RC3H1: variants seen among roughly 807,000 people sequenced by gnomAD.
RC3H1 encodes the protein roquin-1.
In RC3H1, 50 loss-of-function variants were observed where a neutral mutation model predicts 138.2. That is an observed-to-expected ratio of 0.36 (90% CI 0.29 to 0.46). RC3H1 has a LOEUF of 0.46. RC3H1 is among the 20% of genes least tolerant of loss of function. RC3H1 has a pLI of 1.00. For missense variants in RC3H1, 1,031 were observed against 1,388.1 expected (o/e 0.74, Z 4.09); for synonymous variants, 462 against 489.1 (o/e 0.94, Z 0.73).
chr1:173,951,338 A>G (rs893945496), intron 14 of RC3H1, among the ~76,000 whole-genome samples: 17 of 152,028 alleles, frequency 1.1e-4, no homozygotes, highest in African/African-American at 3.6e-4. Context: ...CCCCAAAAAA[A>G]GAGATAAGAT....
In RC3H1 at chr1:173,964,135, T is replaced by C. The variant is rs377392987; in HGVS notation, c.1669A>G (p.Ile557Val). The C allele has an allele frequency of 1.9e-5, 31 of 1,614,038 alleles. No homozygotes were observed. Among genetic ancestry groups the C allele is most frequent in the South Asian group, 7.7e-5 (7 of 91,082 alleles). ...AGATCTGCTGGCCCCCTTGGAGGTATAGAATGTGGATTCACAGGTAAGGCA... is the reference window on the plus strand; with the variant it reads ...AGATCTGCTGGCCCCCTTGGAGGTACAGAATGTGGATTCACAGGTAAGGCA... ...ISALPVNPHS[I>V]PPRGPADLPP... is the part of the protein sequence containing the mutation. The change falls in exon 11 of 20, where the codon ATA (isoleucine) becomes GTA (valine). Residue 557 changes from isoleucine to valine, a missense_variant. By Grantham distance (29) the Ile-to-Val change is conservative (BLOSUM62 3). Around this residue, in one of 7 missense-constraint regions of RC3H1, gnomAD observed 716 missense variants for 837.9 expected, o/e 0.85. Transcript: ENST00000367696.
chr1:173,972,436 C>A, intron 8 of RC3H1, 73 bp downstream of exon 8: 1 of 986,870 alleles, frequency 1.0e-6, no homozygotes, highest in Non-Finnish European at 1.6e-6. Flanking sequence ...GTAGGTATAC[C>A]CACAGTGGTT....
At chr1:174,017,110 T>C (rs766221735) in intron 1 of RC3H1, among the ~76,000 whole-genome samples, 7 of 152,248 alleles carry the variant, frequency 4.6e-5, no homozygotes, top group Non-Finnish European at 7.3e-5. Context: ...TCAAAGAGCT[T>C]CAAATTCTAA....
rs561017147 is a variant in RC3H1 at position 173,965,362 on chromosome 1, A to G, written c.1335-242T>C. On this transcript the variant is annotated intron_variant, in intron 9 of 19. Coordinates refer to ENST00000367696, the MANE Select transcript of RC3H1 (RefSeq NM_172071.4). ...GTAATCCCAGCACTTTGGGAGGCCG[A>G]GGCAGGCGGATCACGAGGTTAAGAT... is the stretch of plus-strand genomic sequence containing the variant. 2.9e-4 allele frequency among the ~76,000 whole-genome samples: 44 copies of G among 152,310 alleles called. No individual in the cohort carries two copies. The East Asian group carries it at 7.9e-3, about 27-fold the overall frequency.
At chr1:174,016,768 G>C (rs1661870523) in intron 1 of RC3H1, among the ~76,000 whole-genome samples, 2 of 151,016 alleles carry the variant, frequency 1.3e-5, no homozygotes, top group Non-Finnish European at 2.9e-5. Context: ...TTGAATTTAA[G>C]ATAACAATAT....
At chr1:173,969,334 T>C (rs1201830318) in intron 9 of RC3H1, 3 of 150,804 alleles carry the variant, frequency 2.0e-5, no homozygotes, top group African/African-American at 4.9e-5. Flanking sequence ...CAGCACCCAA[T>C]ATTCCCAGGT....
chr1:173,991,476 T>G (rs574348483), intron 2 of RC3H1, among the ~76,000 whole-genome samples: 1 of 152,340 alleles, frequency 6.6e-6, no homozygotes, highest in South Asian at 2.1e-4. Flanking sequence ...ACTTGCCTAA[T>G]TGCCCTAGCT....
Position 173,947,473 on chromosome 1 carries a change from C to A in RC3H1, c.2633G>T (p.Arg878Leu). ...IPFGDRPTVS[R>L]FGAISRTSKT... ...GGAAGTTCGTGAGATGGCACCAAAC[C>A]GAGACACTGTTGGTCGGTCTCCAAA... The change falls in exon 15 of 20, where the codon CGG (arginine) becomes CTG (leucine). Residue 878 changes from arginine to leucine, a missense_variant. Coordinates refer to ENST00000367696, the MANE Select transcript of RC3H1 (RefSeq NM_172071.4). 1 of 1,614,002 alleles carries A rather than the reference C, an allele frequency of 6.2e-7. No homozygotes were observed. Among genetic ancestry groups the A allele is most frequent in the Non-Finnish European group, 8.5e-7 (1 of 1,179,974 alleles).
chr1:173,982,354 G>C (rs1400846707), intron 5 of RC3H1, among the ~76,000 whole-genome samples: 1 of 152,016 alleles, frequency 6.6e-6, no homozygotes, highest in Non-Finnish European at 1.5e-5. Flanking sequence ...CTCCAGCCTG[G>C]GCGACAGCAA....
At chr1:173,993,460 A>G (rs1474185897) in intron 1 of RC3H1, among the ~76,000 whole-genome samples, 1 of 149,472 alleles carries the variant, frequency 6.7e-6, no homozygotes, top group Non-Finnish European at 1.5e-5. Context: ...CCCAGGCTGG[A>G]GTGCAATGGT....
intron 18 of RC3H1, among the ~76,000 whole-genome samples, chr1:173,941,682 T>C (rs1658867879): frequency 6.6e-6 from 1 of 152,174 alleles, no homozygotes; most frequent in South Asian, 2.1e-4. Flanking sequence ...ACGCCTGTAA[T>C]ACCAGCAGTT....
Position 173,974,719 on chromosome 1 carries a change from G to A in RC3H1, c.1103-2092C>T, listed in dbSNP as rs1411504415. 2.6e-5 allele frequency among the ~76,000 whole-genome samples: 4 copies of A among 152,128 alleles called. No homozygotes were observed. In the East Asian group the frequency reaches 7.7e-4, roughly 29 times the overall value. ...GTAGTAGAAGACCAGATCACATGAGGCCCTATAGATCATGGGAAGGATACT... is the reference window on the plus strand; with the variant it reads ...GTAGTAGAAGACCAGATCACATGAGACCCTATAGATCATGGGAAGGATACT... On this transcript the variant is annotated intron_variant, in intron 7 of 19. Coordinates refer to ENST00000367696, the MANE Select transcript of RC3H1 (RefSeq NM_172071.4).
intron 13 of RC3H1, among the ~76,000 whole-genome samples, chr1:173,956,840 ACTTCT>A (rs1659670735): frequency 1.3e-5 from 2 of 152,094 alleles, no homozygotes; most frequent in Admixed American, 1.3e-4. Flanking sequence ...TTTTCGAGAA[ACTTCT>A]CTTTCTATAT....
chr1:173,955,263 TACAACA>T (rs72151707), intron 13 of RC3H1, among the ~76,000 whole-genome samples: 474 of 131,740 alleles, frequency 3.6e-3, no homozygotes, highest in Non-Finnish European at 4.5e-3. Flanking sequence ...ACAATCTTCA[TACAACA>T]ACAACAACAA....
chr1:174,012,105 G>A (rs1557953658), intron 1 of RC3H1, among the ~76,000 whole-genome samples: 2 of 146,530 alleles, frequency 1.4e-5, no homozygotes, highest in African/African-American at 5.5e-5. Flanking sequence ...CAGCTACCAG[G>A]TGGGGATGAG....
At chr1:173,996,246 G>A (rs1317650428) in intron 1 of RC3H1, among the ~76,000 whole-genome samples, 7 of 151,838 alleles carry the variant, frequency 4.6e-5, no homozygotes, top group Non-Finnish European at 1.0e-4. Flanking sequence ...ACATACCAGT[G>A]CTATGAAAAT....
intron 13 of RC3H1, among the ~76,000 whole-genome samples, chr1:173,958,631 A>G (rs1659742568): frequency 6.6e-6 from 1 of 152,196 alleles, no homozygotes; most frequent in Non-Finnish European, 1.5e-5. Context: ...AAAATTACCA[A>G]TATAGAAATA....
intron 18 of RC3H1, among the ~76,000 whole-genome samples, chr1:173,941,714 C>T (rs1317080602): frequency 6.6e-6 from 1 of 152,194 alleles, no homozygotes; most frequent in African/African-American, 2.4e-5. Flanking sequence ...GGCAGGTGGA[C>T]TGCTGAGGTC....
intron 1 of RC3H1, chr1:174,016,114 T>C (rs1237378589): frequency 6.6e-6 from 1 of 152,066 alleles, no homozygotes; most frequent in Non-Finnish European, 1.5e-5. Context: ...GACACAAGAA[T>C]TGCTTGAACC....
Sources: gnomAD v4.1 joint callset for allele counts (sites outside exome capture counted in the v4.1 genomes callset) on GRCh38, gnomAD v4.1.1 for gene constraint, gnomAD v4.1.1 regional missense constraint, MANE v1.5 for transcripts, NCBI Gene and HGNC (gene_info 2026-07-23, HGNC 2026-07-21) for gene names.